CADM1: variants seen among roughly 807,000 people sequenced by gnomAD.
The protein encoded by CADM1 is TSLC-1.
CADM1 carries 15 observed loss-of-function variants against 53.1 expected under a neutral mutation model. That is an observed-to-expected ratio of 0.28 (90% confidence interval 0.19 to 0.44). The LOEUF (loss-of-function observed/expected upper bound fraction) is 0.44. Ranked by LOEUF, CADM1 falls within the 20% of genes least tolerant of loss-of-function variation. The pLI is 1.00. For missense variants in CADM1, 434 were observed against 611.3 expected (o/e 0.71, Z 3.06); for synonymous variants, 281 against 243.0 (o/e 1.16, Z -1.45).
In CADM1 at chr11:115,504,299, G is replaced by T; in HGVS notation, c.96C>A (p.Leu32=). The change falls in exon 1 of 12, where the codon CTC becomes CTA. Residue 32 remains leucine (L), a synonymous_variant. Transcript: ENST00000331581. ...PGLRLRLLLL[L]FSAAALIPTG... The stretch of plus-strand genomic sequence containing the variant: ...TGGGGATCAGTGCCGCGGCGGAGAA[G>T]AGCAACAGCAGAAGCCGGAGCCGGA... 6.4e-7 allele frequency: 1 copy of T among 1,566,456 alleles called. No homozygotes were observed. Among genetic ancestry groups the T allele is most frequent in the East Asian group, 2.4e-5 (1 of 41,950 alleles).
intron 1 of CADM1, among the ~76,000 whole-genome samples, chr11:115,382,240 T>G (rs1164926413): frequency 6.6e-6 from 1 of 152,042 alleles, no homozygotes; most frequent in African/African-American, 2.4e-5. Context: ...TTGCATGAGG[T>G]TGGGTAAAAA....
intron 1 of CADM1, among the ~76,000 whole-genome samples, chr11:115,374,704 A>T (rs1342955158): frequency 6.6e-6 from 1 of 152,236 alleles, no homozygotes; most frequent in Admixed American, 6.5e-5. Flanking sequence ...TTGACTAATA[A>T]GAAATAAAAA....
intron 1 of CADM1, among the ~76,000 whole-genome samples, chr11:115,332,631 G>GT (rs1945161535): frequency 6.6e-6 from 1 of 152,068 alleles, no homozygotes; most frequent in Non-Finnish European, 1.5e-5. Flanking sequence ...GCTCGATAAC[G>GT]TGTCAATTTC....
intron 3 of CADM1, among the ~76,000 whole-genome samples, chr11:115,236,846 C>T (rs1942028463): frequency 6.6e-6 from 1 of 152,104 alleles, no homozygotes; most frequent in African/African-American, 2.4e-5. Context: ...AAGATTTATT[C>T]TGAATTCTAA....
intron 1 of CADM1, among the ~76,000 whole-genome samples, chr11:115,306,072 C>CTACACACACACACACACACACACACA (rs1555060496): frequency 7.7e-6 from 1 of 130,390 alleles, no homozygotes; most frequent in Non-Finnish European, 1.6e-5. Flanking sequence ...AGGATATATA[C>CTACACACACACACACACACACACACA]CACACACACA....
At chr11:115,201,381 C>A (rs1940420772) in intron 8 of CADM1, among the ~76,000 whole-genome samples, 1 of 152,204 alleles carries the variant, frequency 6.6e-6, no homozygotes, top group African/African-American at 2.4e-5. Flanking sequence ...GTGCTCCCTG[C>A]AGGAGACCAC....
intron 5 of CADM1, among the ~76,000 whole-genome samples, chr11:115,220,077 C>T (rs983097424): frequency 1.3e-5 from 2 of 152,116 alleles, no homozygotes; most frequent in African/African-American, 4.8e-5. Context: ...TACAGAAAGG[C>T]TACGTTTTTC....
At chr11:115,312,132 G>A (rs924330302) in intron 1 of CADM1, among the ~76,000 whole-genome samples, 6 of 152,152 alleles carry the variant, frequency 3.9e-5, no homozygotes, top group African/African-American at 1.4e-4. Flanking sequence ...ATGTGACAGT[G>A]TAGTGACAGC....
chr11:115,253,872 T>C (rs1942688355), intron 1 of CADM1, among the ~76,000 whole-genome samples: 1 of 152,222 alleles, frequency 6.6e-6, no homozygotes, highest in African/African-American at 2.4e-5. Flanking sequence ...TCTGTGATTA[T>C]TTGTTTATAG....
intron 1 of CADM1, among the ~76,000 whole-genome samples, chr11:115,267,687 T>C (rs920151013): frequency 2.0e-5 from 2 of 101,696 alleles, no homozygotes; most frequent in South Asian, 3.2e-4. Context: ...TCTTTTTTTT[T>C]TTTTTTTTTT....
intron 3 of CADM1, 115 bp downstream of exon 3, chr11:115,238,385 G>T: frequency 2.6e-6 from 3 of 1,154,270 alleles, no homozygotes; most frequent in Non-Finnish European, 3.9e-6. Flanking sequence ...GATGGGCGGT[G>T]ATTCTTCCTG....
At chr11:115,240,895 A>G (rs1282834937) in intron 1 of CADM1, 1 of 194,832 alleles carries the variant, frequency 5.1e-6, no homozygotes, top group Non-Finnish European at 1.1e-5. Flanking sequence ...TCGTCTTGTT[A>G]GTTGATGTTG....
At chr11:115,351,438 TTGG>T (rs1393132957) in intron 1 of CADM1, among the ~76,000 whole-genome samples, 1 of 152,218 alleles carries the variant, frequency 6.6e-6, no homozygotes. Flanking sequence ...CAATGGCCAC[TTGG>T]AGTCCCAGGG....
At chr11:115,295,504 TTTTATATATA>T (rs1944027728) in intron 1 of CADM1, among the ~76,000 whole-genome samples, 2 of 31,886 alleles carry the variant, frequency 6.3e-5, no homozygotes, top group South Asian at 2.3e-3. Context: ...GATCAAGATA[TTTTATATATA>T]TATATATATA....
intron 1 of CADM1, among the ~76,000 whole-genome samples, chr11:115,485,929 T>A (rs1949363812): frequency 6.6e-6 from 1 of 152,232 alleles, no homozygotes. Context: ...GTTTAACATA[T>A]CCAAAACCAA....
At chr11:115,292,258 C>T (rs2135112202) in intron 1 of CADM1, among the ~76,000 whole-genome samples, 1 of 152,300 alleles carries the variant, frequency 6.6e-6, no homozygotes, top group East Asian at 1.9e-4. Context: ...TACATTAAAA[C>T]TAAAAGTACC....
At chr11:115,407,002 G>C (rs1565411639) in intron 1 of CADM1, among the ~76,000 whole-genome samples, 1 of 151,720 alleles carries the variant, frequency 6.6e-6, no homozygotes, top group East Asian at 1.9e-4. Flanking sequence ...TGCCCCCACA[G>C]TTGAAGCATG....
At chr11:115,325,518 A>G (rs1423292603) in intron 1 of CADM1, among the ~76,000 whole-genome samples, 1 of 152,204 alleles carries the variant, frequency 6.6e-6, no homozygotes, top group Admixed American at 6.6e-5. Context: ...AATTTTTATA[A>G]CAAATATTTT....
chr11:115,432,986 T>G (rs1565425123), intron 1 of CADM1, among the ~76,000 whole-genome samples: 2 of 152,222 alleles, frequency 1.3e-5, no homozygotes, highest in Non-Finnish European at 2.9e-5. Context: ...TGCTCGTATT[T>G]AAATAGCATT....
Sources: allele counts gnomAD v4.1 joint callset (sites outside exome capture counted in the v4.1 genomes callset), GRCh38; gene constraint gnomAD v4.1.1; transcripts MANE v1.5; gene names NCBI Gene and HGNC (gene_info 2026-07-23, HGNC 2026-07-21).